Variants in NAV1 observed in about 807,000 individuals in gnomAD.
The protein encoded by NAV1 is neuron navigator 1.
A neutral mutation model predicts 175.2 loss-of-function variants in NAV1; 18 were observed. The observed-to-expected ratio is 0.10, with a 90% CI of 0.07 to 0.15. NAV1 has a LOEUF of 0.15. NAV1 is among the 10% of genes least tolerant of loss of function. The probability of loss-of-function intolerance (pLI) is 1.00; values close to 1 mark genes in which losing one functional copy is unlikely to be tolerated. For missense variants in NAV1, 1,731 were observed against 2,436.6 expected, an observed-to-expected ratio of 0.71 and a Z score of 6.10; for synonymous variants, 897 against 978.7, an observed-to-expected ratio of 0.92 and a Z score of 1.56.
chr1:201,806,008 A>C (rs1157918481), intron 17 of NAV1, among the ~76,000 whole-genome samples: 1 of 145,590 alleles, frequency 6.9e-6, no homozygotes, highest in Admixed American at 6.9e-5. Flanking sequence ...TTTTTGAGGT[A>C]GAGTCTCACT....
At chr1:201,661,985 T>C (rs1464156536) in intron 1 of NAV1, among the ~76,000 whole-genome samples, 1 of 152,270 alleles carries the variant, frequency 6.6e-6, no homozygotes, top group East Asian at 1.9e-4. Context: ...TATCCCCTTT[T>C]TAGCAATGAA....
At chr1:201,650,378 G>C (rs1669149437) in intron 1 of NAV1, among the ~76,000 whole-genome samples, 1 of 152,226 alleles carries the variant, frequency 6.6e-6, no homozygotes, top group Non-Finnish European at 1.5e-5. Context: ...GAACTGGCAC[G>C]GGCCCTCTTG....
In NAV1 at chr1:201,648,962, G is replaced by C. The variant is rs769361688; in HGVS notation, c.294G>C (p.Thr98=). Reference sequence around the variant, plus strand: ...CACTCACCAACCTCTCTTTTCTCACGGACTCCGAGAAAAAGCTGCAGCTTT... The same window carrying C: ...CACTCACCAACCTCTCTTTTCTCACCGACTCCGAGAAAAAGCTGCAGCTTT... The change falls in exon 1 of 30, where the codon ACG becomes ACC. Residue 98 remains threonine, a synonymous_variant. Transcript: ENST00000367296. 3.1e-6 allele frequency: 5 copies of C among 1,613,134 alleles called. No individual in the cohort carries two copies. The Admixed American group carries it at 8.3e-5, about 27-fold the overall frequency.
intron 3 of NAV1, among the ~76,000 whole-genome samples, chr1:201,771,495 G>A (rs1467263197): frequency 2.6e-5 from 3 of 113,646 alleles, no homozygotes; most frequent in African/African-American, 1.1e-4. Flanking sequence ...GCAAGACTTC[G>A]TCTAGAAAAA....
chr1:201,552,482 G>A (rs1387088409), intron 1 of NAV1, among the ~76,000 whole-genome samples: 1 of 127,400 alleles, frequency 7.8e-6, no homozygotes, highest in Non-Finnish European at 1.7e-5. Flanking sequence ...TTGCTTCCTT[G>A]ACCTCTCCCT....
At chr1:201,628,897 T>G (rs1054269628) in intron 1 of NAV1, among the ~76,000 whole-genome samples, 7 of 152,136 alleles carry the variant, frequency 4.6e-5, no homozygotes, top group Non-Finnish European at 5.9e-5. Context: ...CTACTCCTCC[T>G]TCTTTCCTGA....
intron 17 of NAV1, among the ~76,000 whole-genome samples, chr1:201,806,510 G>C (rs1266212946): frequency 6.6e-6 from 1 of 152,142 alleles, no homozygotes; most frequent in Non-Finnish European, 1.5e-5. Context: ...GCTTCAGGCA[G>C]CTTGTCATAG....
Position 201,569,071 on chromosome 1 carries a change from C to G in NAV1, c.-143-19468C>G, listed in dbSNP as rs1666454065. ...GGGAGAAGCGTGTTTCCTTCCTGCT[C>G]TGGGCAAACCCAGGCCACTCCCCCA... On this transcript the variant is annotated intron_variant, in intron 1 of 33. Coordinates refer to the NAV1 transcript ENST00000685211. Among the ~76,000 whole-genome samples, 2 of 152,162 alleles carry G rather than the reference C, an allele frequency of 1.3e-5. 1 individual carries two copies. Among genetic ancestry groups the G allele is most frequent in the Admixed American group, 1.3e-4 (2 of 15,278 alleles).
chr1:201,804,601 AATG>A (rs1558184987), intron 17 of NAV1, 104 bp downstream of exon 21: 2 of 835,738 alleles, frequency 2.4e-6, no homozygotes, highest in South Asian at 1.8e-5. Context: ...AAAAAAAAAA[AATG>A]AATGACCACT....
chr1:201,562,516 C>G (rs1557998286), intron 1 of NAV1, among the ~76,000 whole-genome samples: 1 of 152,200 alleles, frequency 6.6e-6, no homozygotes, highest in Non-Finnish European at 1.5e-5. Context: ...GCCTCCTGAG[C>G]CCTGGGCAGG....
intron 1 of NAV1, among the ~76,000 whole-genome samples, chr1:201,542,922 G>T (rs1280439868): frequency 6.6e-6 from 1 of 152,064 alleles, no homozygotes; most frequent in African/African-American, 2.4e-5. Flanking sequence ...TTTCCTTTTT[G>T]GCTTGTGTAT....
At chr1:201,732,284 C>G (rs1264136437) in intron 3 of NAV1, among the ~76,000 whole-genome samples, 1 of 152,100 alleles carries the variant, frequency 6.6e-6, no homozygotes, top group African/African-American at 2.4e-5. Flanking sequence ...TTAATCCATG[C>G]TAAGTTTAAA....
rs569930266 is a variant in NAV1 at position 201,592,037 on chromosome 1, G to A, written c.-33+3388G>A. ...GTGCAGGCTGCAGGCTAGACAATGC[G>A]AGGACAGTCTGCAGAGGTGTCTTCT... On this transcript the variant is annotated intron_variant, in intron 2 of 33. Coordinates refer to the NAV1 transcript ENST00000685211. Among the ~76,000 whole-genome samples, 62 of 152,250 alleles carry A rather than the reference G, an allele frequency of 4.1e-4. 1 individual carries two copies. Among genetic ancestry groups the A allele is most frequent in the South Asian group, 1.5e-3 (7 of 4,820 alleles).
chr1:201,541,901 T>A (rs945147003), intron 1 of NAV1, among the ~76,000 whole-genome samples: 2 of 152,250 alleles, frequency 1.3e-5, no homozygotes, highest in African/African-American at 4.8e-5. Flanking sequence ...AAAAATCTCC[T>A]ATCCATCTTT....
chr1:201,661,825 C>T (rs568267565), intron 1 of NAV1, among the ~76,000 whole-genome samples: 15 of 152,134 alleles, frequency 9.9e-5, no homozygotes, highest in Non-Finnish European at 1.3e-4. Flanking sequence ...CTGCATCTAG[C>T]GGAGAAGTTA....
At chr1:201,765,074 G>A (rs755589133) in intron 3 of NAV1, among the ~76,000 whole-genome samples, 4 of 152,192 alleles carry the variant, frequency 2.6e-5, no homozygotes, top group Non-Finnish European at 5.9e-5. Context: ...ACTAGATTTA[G>A]AACCAAGCAG....
At chr1:201,605,785 C>T (rs1667656981) in intron 2 of NAV1, among the ~76,000 whole-genome samples, 1 of 151,988 alleles carries the variant, frequency 6.6e-6, no homozygotes, top group Non-Finnish European at 1.5e-5. Context: ...TAGGGGAGGG[C>T]TAAGGAGAGG....
At chr1:201,720,637 C>T (rs1306271043) in intron 3 of NAV1, among the ~76,000 whole-genome samples, 1 of 152,198 alleles carries the variant, frequency 6.6e-6, no homozygotes, top group Non-Finnish European at 1.5e-5. Context: ...GTTCACCTCC[C>T]CAGGCTTTCT....
At chr1:201,620,120 T>C (rs922908162), upstream of NAV1, among the ~76,000 whole-genome samples, 1 of 152,216 alleles carries the variant, frequency 6.6e-6, no homozygotes, top group African/African-American at 2.4e-5. Context: ...TGACTTCTTA[T>C]AGCTTAGGCT....
Sources: gnomAD v4.1 joint callset for allele counts (sites outside exome capture counted in the v4.1 genomes callset) on GRCh38, gnomAD v4.1.1 for gene constraint, MANE v1.5 for transcripts, NCBI Gene and HGNC (gene_info 2026-07-23, HGNC 2026-07-21) for gene names.